FRMPD4: variants seen among roughly 807,000 people sequenced by gnomAD.
The protein encoded by FRMPD4 is FERM and PDZ domain containing 4.
Under a neutral mutation model 94.1 loss-of-function variants are expected in FRMPD4, and 22 were observed. That is an observed-to-expected ratio of 0.23 (90% confidence interval 0.17 to 0.33). The LOEUF is 0.33. FRMPD4 is among the 10% of genes least tolerant of loss of function. The pLI is 1.00. For missense variants in FRMPD4, 1,111 were observed against 1,339.9 expected (o/e 0.83, Z 2.67); for synonymous variants, 631 against 548.6 (o/e 1.15, Z -2.10).
intron 1 of FRMPD4, among the ~76,000 whole-genome samples, chrX:12,475,284 A>G (rs2057579833): frequency 8.9e-6 from 1 of 112,275 alleles, no homozygotes; most frequent in Non-Finnish European, 1.9e-5. Context: ...AAAAACTCTC[A>G]ATAAATTAGC....
At chrX:12,374,960 C>A (rs1403375831) in intron 1 of FRMPD4, 1 of 112,579 alleles carries the variant, frequency 8.9e-6, no homozygotes, top group Non-Finnish European at 1.9e-5. Flanking sequence ...ATCCTCAGAA[C>A]CTAGCAGAGT....
At chrX:12,491,481 T>A (rs1335319461) in intron 1 of FRMPD4, among the ~76,000 whole-genome samples, 2 of 112,041 alleles carry the variant, frequency 1.8e-5, no homozygotes, top group African/African-American at 6.5e-5. Context: ...AACTTTGGTT[T>A]AATGTCTGAA....
chrX:12,418,302 A>G (rs765054329), intron 1 of FRMPD4, among the ~76,000 whole-genome samples: 3 of 106,432 alleles, frequency 2.8e-5, no homozygotes, highest in East Asian at 5.9e-4. Flanking sequence ...GCTATATTCT[A>G]GGCCCAGCCG....
chrX:12,316,546 A>G (rs1402407574), intron 1 of FRMPD4, among the ~76,000 whole-genome samples: 1 of 112,302 alleles, frequency 8.9e-6, no homozygotes, highest in East Asian at 2.8e-4. Flanking sequence ...CATAGCTTTT[A>G]TTAAATTCAA....
chrX:12,050,067 AG>A (rs2054808425), intron 3 of FRMPD4, among the ~76,000 whole-genome samples: 1 of 111,591 alleles, frequency 9.0e-6, no homozygotes, highest in Non-Finnish European at 1.9e-5. Flanking sequence ...TAAGGTTCTA[AG>A]GTTAATTTAT....
chrX:11,853,416 A>C (rs137881100), intron 1 of FRMPD4, among the ~76,000 whole-genome samples: 1,216 of 111,152 alleles, frequency 0.011, 5 homozygotes, highest in South Asian at 0.021. Context: ...CTAAAGAAAA[A>C]ACCCTTCAAA....
At chrX:12,493,801 G>A (rs757153418) in intron 1 of FRMPD4, among the ~76,000 whole-genome samples, 11 of 112,093 alleles carry the variant, frequency 9.8e-5, no homozygotes, top group South Asian at 3.7e-4. Flanking sequence ...GAAATGCTGC[G>A]TGCTACTCTT....
At chrX:12,040,776 A>G (rs2054750391) in intron 3 of FRMPD4, among the ~76,000 whole-genome samples, 1 of 108,674 alleles carries the variant, frequency 9.2e-6, no homozygotes, top group African/African-American at 3.4e-5. Context: ...TGATCCGCCC[A>G]CCTCGGCCTC....
chrX:12,064,078 T>C (rs1314445450), intron 3 of FRMPD4, among the ~76,000 whole-genome samples: 2 of 112,032 alleles, frequency 1.8e-5, no homozygotes, highest in East Asian at 5.6e-4. Context: ...CAAAAGCAAT[T>C]GACACATTGG....
chrX:12,309,357 TAA>T, intron 1 of FRMPD4, among the ~76,000 whole-genome samples: 1 of 109,419 alleles, frequency 9.1e-6, no homozygotes, highest in East Asian at 2.9e-4. Flanking sequence ...TGATAGTGAT[TAA>T]AAAAAATAAA....
chrX:12,616,976 T>C (rs757399247), intron 4 of FRMPD4, among the ~76,000 whole-genome samples: 1 of 112,932 alleles, frequency 8.9e-6, no homozygotes, highest in South Asian at 3.7e-4. Flanking sequence ...GAGAAAAACC[T>C]ATCTGAAAGT....
At chrX:12,231,143 G>C (rs1025937721) in intron 1 of FRMPD4, among the ~76,000 whole-genome samples, 1 of 89,704 alleles carries the variant, frequency 1.1e-5, no homozygotes, top group Admixed American at 1.4e-4. Context: ...TCGACCTGCC[G>C]GGCCCAAGCA....
chrX:12,414,427 C>T (rs977356476), intron 1 of FRMPD4, among the ~76,000 whole-genome samples: 1 of 112,583 alleles, frequency 8.9e-6, no homozygotes, highest in Non-Finnish European at 1.9e-5. Flanking sequence ...TTCTTAGCCT[C>T]AGTTAATTTA....
chrX:12,524,177 G>A (rs2058195500), intron 2 of FRMPD4, among the ~76,000 whole-genome samples: 1 of 111,577 alleles, frequency 9.0e-6, no homozygotes, highest in South Asian at 3.7e-4. Context: ...AGAAAAAAAA[G>A]TTTAAAAACT....
In FRMPD4 at chrX:12,300,665, G is replaced by C. The variant is rs145752170; in HGVS notation, c.41+161653G>C. ...CAAGGTAATCTGAAAAGTAGTTCCT[G>C]AACTAACAGATGCCAGAGAGCTGCA... is the stretch of plus-strand genomic sequence containing the variant. On this transcript the variant is annotated intron_variant, in intron 1 of 16. Coordinates refer to ENST00000675598, the MANE Select transcript of FRMPD4 (RefSeq NM_001368397.1). Among the ~76,000 whole-genome samples the C allele has an allele frequency of 9.6e-3, 1,080 of 111,977 alleles. 18 individuals carry two copies. The highest frequency in any genetic ancestry group is 0.034 in the African/African-American group (1,040 of 30,759).
At chrX:12,056,196 C>T (rs537020677) in intron 3 of FRMPD4, among the ~76,000 whole-genome samples, 1 of 111,789 alleles carries the variant, frequency 8.9e-6, no homozygotes, top group Admixed American at 9.5e-5. Flanking sequence ...AATCAACTCA[C>T]AAAAATCAGA....
chrX:12,169,195 C>CAT (rs1224278765), intron 1 of FRMPD4, among the ~76,000 whole-genome samples: 5 of 111,405 alleles, frequency 4.5e-5, no homozygotes, highest in Non-Finnish European at 7.5e-5. Flanking sequence ...AAACAGGAAA[C>CAT]ATATATATAT....
chrX:12,564,994 G>A (rs1052972726), intron 2 of FRMPD4, among the ~76,000 whole-genome samples: 2 of 110,385 alleles, frequency 1.8e-5, no homozygotes, highest in Non-Finnish European at 3.8e-5. Flanking sequence ...GCTGAGGCAC[G>A]AGAATCGCTT....
rs1392054616 is a variant in FRMPD4, at chrX:12,172,710, A to G, written c.41+33698A>G. ...GAAAAGTCAGAGATTTGAAGGTGAG[A>G]GAGACCTACTATGGCTGGTTTTGAA... On this transcript the variant is annotated intron_variant, in intron 1 of 16. Transcript: ENST00000675598. Among the ~76,000 whole-genome samples, 5 of 112,314 alleles carry G rather than the reference A, an allele frequency of 4.5e-5. No individual in the cohort carries two copies. In the South Asian group the frequency reaches 1.1e-3, roughly 25 times the overall value.
Sources: allele counts gnomAD v4.1 joint callset (sites outside exome capture counted in the v4.1 genomes callset), GRCh38; gene constraint gnomAD v4.1.1; transcripts MANE v1.5; gene names NCBI Gene and HGNC (gene_info 2026-07-23, HGNC 2026-07-21).